The following DLGAP2 variants were observed in gnomAD, a reference collection of about 807,000 sequenced individuals.
The protein encoded by DLGAP2 is DLG associated protein 2, also known as disks large-associated protein 2.
In DLGAP2, 26 loss-of-function variants were observed where a neutral mutation model predicts 100.3. That is an observed-to-expected ratio of 0.26 (90% CI 0.19 to 0.36). DLGAP2 has a LOEUF of 0.36. Among genes scored for constraint, DLGAP2 ranks in the 10% least tolerant of loss-of-function variants. The pLI, the probability that DLGAP2 is intolerant of heterozygous loss-of-function variation, is 1.00. For synonymous variants in DLGAP2, 886 were observed against 630.1 expected, an observed-to-expected ratio of 1.41 and a Z score of -6.08; for missense variants, 1,858 against 1,453.2, an observed-to-expected ratio of 1.28 and a Z score of -4.53.
chr8:1,621,766 G>A (rs1797344980), intron 6 of DLGAP2: 1 of 152,304 alleles, frequency 6.6e-6, no homozygotes, highest in African/African-American at 2.4e-5. Context: ...GCGGTCAAGG[G>A]TATGGCGTTT....
intron 1 of DLGAP2, among the ~76,000 whole-genome samples, chr8:771,672 A>G (rs1821364439): frequency 6.6e-6 from 1 of 152,372 alleles, no homozygotes; most frequent in East Asian, 1.9e-4. Flanking sequence ...GACGCATTGA[A>G]CACGACGTGG....
At chr8:823,633 G>A (rs1480821204) in intron 1 of DLGAP2, among the ~76,000 whole-genome samples, 4 of 152,120 alleles carry the variant, frequency 2.6e-5, no homozygotes, top group Admixed American at 2.6e-4. Context: ...ACGCACCCCA[G>A]CAGGGATGTG....
At chr8:1,654,202 C>G (rs1798231458) in intron 8 of DLGAP2, among the ~76,000 whole-genome samples, 1 of 152,200 alleles carries the variant, frequency 6.6e-6, no homozygotes, top group Non-Finnish European at 1.5e-5. Context: ...TATGGAGAGA[C>G]ACACTGACTG....
intron 2 of DLGAP2, among the ~76,000 whole-genome samples, chr8:981,921 G>T (rs998561502): frequency 6.6e-6 from 1 of 152,180 alleles, no homozygotes; most frequent in Non-Finnish European, 1.5e-5. Context: ...GTGCATCTCC[G>T]TGCCTGCGGG....
At chr8:1,078,226 G>C (rs1020064381) in intron 2 of DLGAP2, among the ~76,000 whole-genome samples, 1 of 152,132 alleles carries the variant, frequency 6.6e-6, no homozygotes, top group Non-Finnish European at 1.5e-5. Context: ...AAGAACAGTG[G>C]CTTGCACTGT....
chr8:1,425,205 A>T (rs778077200), intron 3 of DLGAP2, among the ~76,000 whole-genome samples: 1 of 152,220 alleles, frequency 6.6e-6, no homozygotes, highest in Non-Finnish European at 1.5e-5. Flanking sequence ...TGATAACATT[A>T]TGAATTCAAT....
At position 1,157,251 on chromosome 8, in the gene DLGAP2, C is replaced by T. The variant is rs544849786; in HGVS notation, c.74-101600C>T. ...GAGCATTCACGCGATTCCCCAGACA[C>T]GCTGGAGGATGTCCTCTCGTGGCAC... On this transcript the variant is annotated intron_variant, in intron 2 of 14. Coordinates refer to ENST00000637795, the MANE Select transcript of DLGAP2 (RefSeq NM_001346810.2). 5.9e-5 allele frequency among the ~76,000 whole-genome samples: 9 copies of T among 152,224 alleles called. No individual in the cohort carries two copies. In the East Asian group the frequency reaches 7.7e-4, roughly 13 times the overall value.
intron 3 of DLGAP2, among the ~76,000 whole-genome samples, chr8:1,290,951 C>G (rs147198172): frequency 1.3e-5 from 2 of 152,230 alleles, no homozygotes; most frequent in East Asian, 3.9e-4. Context: ...TATTGTACAA[C>G]CACCTCCCCC....
intron 2 of DLGAP2, among the ~76,000 whole-genome samples, chr8:921,216 A>G (rs1249321201): frequency 6.6e-6 from 1 of 152,228 alleles, no homozygotes; most frequent in African/African-American, 2.4e-5. Context: ...CCAAGACTAG[A>G]TGGCTCTTTA....
chr8:1,568,929 A>T (rs1471077784), intron 6 of DLGAP2, among the ~76,000 whole-genome samples: 19 of 76,060 alleles, frequency 2.5e-4, no homozygotes, highest in South Asian at 7.0e-4. Context: ...GCAGACACAA[A>T]TCCACTCTGC....
chr8:1,522,125 C>T (rs1404213430), intron 4 of DLGAP2, among the ~76,000 whole-genome samples: 2 of 152,018 alleles, frequency 1.3e-5, no homozygotes, highest in African/African-American at 4.8e-5. Flanking sequence ...ATTTGGAATC[C>T]TCGGGTGGCA....
intron 3 of DLGAP2, among the ~76,000 whole-genome samples, chr8:1,438,840 T>A (rs1797735812): frequency 6.6e-6 from 1 of 152,366 alleles, no homozygotes; most frequent in South Asian, 2.1e-4. Flanking sequence ...GAGCAGAATC[T>A]GGTTGGAAGT....
chr8:1,170,101 G>A (rs1214846620), intron 2 of DLGAP2, among the ~76,000 whole-genome samples: 3 of 152,162 alleles, frequency 2.0e-5, no homozygotes, highest in Admixed American at 6.5e-5. Context: ...AAGTGTTGTT[G>A]AATTTTGTCA....
At chr8:1,339,872 T>TA (rs1801379354) in intron 3 of DLGAP2, among the ~76,000 whole-genome samples, 1 of 152,234 alleles carries the variant, frequency 6.6e-6, no homozygotes, top group Admixed American at 6.5e-5. Flanking sequence ...CTTATTTTTT[T>TA]ATCTCTGGGA....
At chr8:1,311,433 C>T (rs1010324102) in intron 3 of DLGAP2, among the ~76,000 whole-genome samples, 9 of 152,176 alleles carry the variant, frequency 5.9e-5, no homozygotes, top group Non-Finnish European at 8.8e-5. Flanking sequence ...TTCCTTGAGG[C>T]CAGCATTACC....
intron 6 of DLGAP2, among the ~76,000 whole-genome samples, chr8:1,623,722 A>T (rs1338104698): frequency 1.3e-5 from 2 of 152,264 alleles, no homozygotes; most frequent in Non-Finnish European, 2.9e-5. Context: ...TGTGCGTCTG[A>T]TGCTGCATTC....
At chr8:1,206,222 C>G (rs1797986355) in intron 2 of DLGAP2, among the ~76,000 whole-genome samples, 1 of 152,200 alleles carries the variant, frequency 6.6e-6, no homozygotes, top group Non-Finnish European at 1.5e-5. Flanking sequence ...TGTTTGAGCA[C>G]CACAGTCTCT....
intron 2 of DLGAP2, among the ~76,000 whole-genome samples, chr8:1,224,539 G>T (rs1350068813): frequency 2.0e-5 from 3 of 151,520 alleles, no homozygotes; most frequent in Non-Finnish European, 2.9e-5. Context: ...TACAAAAAAT[G>T]ATAGAAAAAA....
intron 2 of DLGAP2, among the ~76,000 whole-genome samples, chr8:938,083 G>A (rs1198891851): frequency 1.3e-5 from 2 of 152,166 alleles, no homozygotes; most frequent in East Asian, 3.9e-4. Context: ...AAGAGGAGGG[G>A]TGCTGCGCTT....
Sources: allele counts gnomAD v4.1 joint callset (sites outside exome capture counted in the v4.1 genomes callset), GRCh38; gene constraint gnomAD v4.1.1; transcripts MANE v1.5; gene names NCBI Gene and HGNC (gene_info 2026-07-23, HGNC 2026-07-21).